Variants in CCBE1 observed in about 807,000 individuals in gnomAD.
CCBE1 encodes the protein collagen and calcium-binding EGF domain-containing protein 1.
CCBE1 carries 37 observed loss-of-function variants against 50.0 expected under a neutral mutation model. The ratio of observed to expected loss-of-function variants is 0.74; its 90% confidence interval spans 0.57 to 0.97. The LOEUF is 0.97. Ranked by LOEUF, CCBE1 falls within the 50% of genes least tolerant of loss-of-function variation. The pLI, the probability that CCBE1 is intolerant of heterozygous loss-of-function variation, is 0.00. For missense variants in CCBE1, 538 were observed against 523.8 expected, an observed-to-expected ratio of 1.03 and a Z score of -0.26; for synonymous variants, 234 against 203.7, an observed-to-expected ratio of 1.15 and a Z score of -1.27.
rs1479808324 is a variant in CCBE1, at chr18:59,434,423, T to G, written c.*1485A>C. 5.3e-5 allele frequency: 8 copies of G among 152,192 alleles called. No individual in the cohort carries two copies. Among genetic ancestry groups the G allele is most frequent in the African/African-American group, 1.7e-4 (7 of 41,454 alleles). The allele number at this position is 152,192 out of a possible 1,614,324, so 9.4% of individuals were successfully genotyped here. ...GAGAAAGTGGACTGTGAGTAACCTATAAGCTGCTCATTGGAAACAAGAGGG... is the reference window on the plus strand; with the variant it reads ...GAGAAAGTGGACTGTGAGTAACCTAGAAGCTGCTCATTGGAAACAAGAGGG... On this transcript the variant is annotated 3_prime_UTR_variant, in exon 11 of 11. Transcript: ENST00000439986.
chr18:59,646,865 A>C (rs994026347), intron 2 of CCBE1, among the ~76,000 whole-genome samples: 2 of 152,190 alleles, frequency 1.3e-5, no homozygotes, highest in African/African-American at 2.4e-5. Context: ...CACGGAACTT[A>C]AGACAATGAT....
intron 2 of CCBE1, among the ~76,000 whole-genome samples, chr18:59,529,776 C>A (rs1303651554): frequency 1.3e-5 from 2 of 152,042 alleles, no homozygotes; most frequent in Admixed American, 1.3e-4. Context: ...CCTCCAACTG[C>A]AGCTGTTTCT....
At chr18:59,487,093 C>T (rs988310702) in intron 2 of CCBE1, among the ~76,000 whole-genome samples, 6 of 148,696 alleles carry the variant, frequency 4.0e-5, no homozygotes, top group Admixed American at 1.4e-4. Context: ...TCCAAAGCAA[C>T]GAGCTCCTTC....
In CCBE1 at chr18:59,439,068, C is replaced by T. The variant is rs149796919; in HGVS notation, c.951+475G>A. Among the ~76,000 whole-genome samples the T allele has an allele frequency of 3.4e-3, 510 of 152,168 alleles. 1 individual carries two copies. Among genetic ancestry groups the T allele is most frequent in the African/African-American group, 0.012 (486 of 41,514 alleles). On this transcript the variant is annotated intron_variant, in intron 9 of 10. Coordinates refer to ENST00000439986, the MANE Select transcript of CCBE1 (RefSeq NM_133459.4). ...TGGGGAGGCCGAGGTGGGCGGATCA[C>T]GAAGTCAGGAGATGGAGACCATCCT... is the stretch of plus-strand genomic sequence containing the variant.
intron 6 of CCBE1, among the ~76,000 whole-genome samples, chr18:59,451,600 G>A (rs1910936631): frequency 6.6e-6 from 1 of 152,096 alleles, no homozygotes; most frequent in Non-Finnish European, 1.5e-5. Flanking sequence ...AGAAGAAGTG[G>A]TGGAGGTGGA....
chr18:59,563,582 A>G (rs1362922050), intron 2 of CCBE1: 2 of 152,174 alleles, frequency 1.3e-5, no homozygotes, highest in Non-Finnish European at 2.9e-5. Context: ...CTGCTGGTAT[A>G]AGTGGATCAG....
chr18:59,557,683 T>C lies in CCBE1; in HGVS notation c.213-77445A>G, dbSNP rs189913663. Among the ~76,000 whole-genome samples the C allele has an allele frequency of 9.2e-5, 14 of 152,258 alleles. No homozygotes were observed. The East Asian group carries it at 2.5e-3, about 27-fold the overall frequency. ...ATATGGGGTATAACCAAGTAACCAA[T>C]GGGGAACTTCTAGGGGGGATTTAAA... On this transcript the variant is annotated intron_variant, in intron 2 of 10. Transcript: ENST00000439986.
At chr18:59,573,492 C>A (rs1446040772) in intron 2 of CCBE1, among the ~76,000 whole-genome samples, 1 of 151,578 alleles carries the variant, frequency 6.6e-6, no homozygotes, top group African/African-American at 2.4e-5. Flanking sequence ...TTACGAAGCA[C>A]CACCAATTGT....
At chr18:59,458,006 G>A (rs1433522481) in intron 5 of CCBE1, among the ~76,000 whole-genome samples, 1 of 152,192 alleles carries the variant, frequency 6.6e-6, no homozygotes, top group Non-Finnish European at 1.5e-5. Flanking sequence ...GGTTTATTAT[G>A]TTAATACCTA....
At chr18:59,564,990 C>T (rs916808756) in intron 2 of CCBE1, among the ~76,000 whole-genome samples, 6 of 152,238 alleles carry the variant, frequency 3.9e-5, no homozygotes, top group African/African-American at 1.4e-4. Context: ...CCAGCGTGAT[C>T]ACTGCAACAG....
intron 2 of CCBE1, among the ~76,000 whole-genome samples, chr18:59,694,098 T>C (rs764692278): frequency 1.3e-4 from 20 of 152,052 alleles, no homozygotes; most frequent in Non-Finnish European, 2.5e-4. Flanking sequence ...TCTCGATCTC[T>C]TGACCTCATG....
intron 2 of CCBE1, among the ~76,000 whole-genome samples, chr18:59,499,783 A>G (rs1356648250): frequency 2.8e-4 from 43 of 152,088 alleles, no homozygotes; most frequent in Admixed American, 2.8e-3. Flanking sequence ...GGCCTGCTGG[A>G]CCTCAGATAC....
At chr18:59,441,228 G>A (rs1220143851) in intron 7 of CCBE1, among the ~76,000 whole-genome samples, 2 of 152,122 alleles carry the variant, frequency 1.3e-5, no homozygotes, top group African/African-American at 4.8e-5. Context: ...GAAAGAAAAG[G>A]GCTGGGCACA....
chr18:59,558,656 C>A (rs1357926846), intron 2 of CCBE1, among the ~76,000 whole-genome samples: 1 of 152,162 alleles, frequency 6.6e-6, no homozygotes, highest in African/African-American at 2.4e-5. Flanking sequence ...ACATGGCGGG[C>A]ATGCTGGTGC....
At chr18:59,592,640 T>C (rs571877472) in intron 2 of CCBE1, among the ~76,000 whole-genome samples, 1 of 152,348 alleles carries the variant, frequency 6.6e-6, no homozygotes, top group East Asian at 1.9e-4. Context: ...CTACTATAGA[T>C]AGATACGTCT....
intron 2 of CCBE1, among the ~76,000 whole-genome samples, chr18:59,583,340 T>C (rs528901269): frequency 2.0e-5 from 3 of 152,282 alleles, no homozygotes; most frequent in Non-Finnish European, 2.9e-5. Context: ...GAGATTCTCA[T>C]GGATGAAAAG....
rs200656869 is a variant in CCBE1, at chr18:59,436,126, A to G, written c.1003T>C (p.Phe335Leu). Residue 335 changes from phenylalanine to leucine, a missense_variant, in exon 11 of 11, where the codon TTC (phenylalanine) becomes CTC (leucine). Transcript: ENST00000439986. ...PRGSPGPPGS[F>L]DFLLLMLADI... ...GCCAGCATAAGTAGCAGGAAGTCGA[A>G]AGAACCAGGGGGTCCCTGTGTACAT... The G allele has an allele frequency of 2.8e-5, 46 of 1,614,088 alleles. No homozygotes were observed. Among genetic ancestry groups the G allele is most frequent in the Middle Eastern group, 3.3e-4 (2 of 6,078 alleles).
intron 5 of CCBE1, chr18:59,455,174 C>G (rs1157563960): frequency 1.6e-6 from 1 of 640,884 alleles, no homozygotes; most frequent in Non-Finnish European, 2.9e-6. Context: ...AAGCTGGGCT[C>G]AGCTGTTCCT....
At chr18:59,595,311 C>T (rs2053335586) in intron 2 of CCBE1, among the ~76,000 whole-genome samples, 1 of 151,618 alleles carries the variant, frequency 6.6e-6, no homozygotes, top group Admixed American at 6.6e-5. Flanking sequence ...CTCTGTGGGT[C>T]CCAGTGTCGG....
Sources: gnomAD v4.1 joint callset for allele counts (sites outside exome capture counted in the v4.1 genomes callset) on GRCh38, gnomAD v4.1.1 for gene constraint, MANE v1.5 for transcripts, NCBI Gene and HGNC (gene_info 2026-07-23, HGNC 2026-07-21) for gene names.